Variants in RPS6KA2 observed in about 807,000 individuals in gnomAD.
RPS6KA2 encodes ribosomal protein S6 kinase alpha-2.
RPS6KA2 carries 42 observed loss-of-function variants against 91.8 expected under a neutral mutation model. The ratio of observed to expected loss-of-function variants is 0.46; its 90% CI spans 0.36 to 0.59. RPS6KA2 has a LOEUF of 0.59. Ranked by LOEUF, RPS6KA2 falls within the 20% of genes least tolerant of loss-of-function variation. RPS6KA2 has a pLI of 0.00. For missense variants in RPS6KA2, 798 were observed against 978.5 expected, an observed-to-expected ratio of 0.82 and a Z score of 2.46; for synonymous variants, 414 against 393.6, an observed-to-expected ratio of 1.05 and a Z score of -0.61.
chr6:166,855,959 C>T (rs181921272), intron 2 of RPS6KA2, among the ~76,000 whole-genome samples: 48 of 152,258 alleles, frequency 3.2e-4, no homozygotes, highest in African/African-American at 1.0e-3. Flanking sequence ...TCTGATATTC[C>T]GTTATCAAAA....
At chr6:166,631,701 G>A (rs1430986569), upstream of RPS6KA2, among the ~76,000 whole-genome samples, 2 of 152,202 alleles carry the variant, frequency 1.3e-5, no homozygotes, top group African/African-American at 4.8e-5. Context: ...CACGGCTGGA[G>A]TCATGACTCC....
intron 8 of RPS6KA2, among the ~76,000 whole-genome samples, chr6:166,492,941 A>AT (rs1781656426): frequency 6.9e-6 from 1 of 145,218 alleles, no homozygotes; most frequent in East Asian, 2.0e-4. Context: ...CATGTTGGCC[A>AT]GGCTGAACTG....
chr6:166,472,083 G>GATT (rs1167911266), intron 10 of RPS6KA2, among the ~76,000 whole-genome samples: 1 of 152,200 alleles, frequency 6.6e-6, no homozygotes, highest in Non-Finnish European at 1.5e-5. Flanking sequence ...TGGTCACGAT[G>GATT]ATTAACAGAA....
At chr6:166,749,767 G>T (rs1312900427) in intron 2 of RPS6KA2, among the ~76,000 whole-genome samples, 1 of 136,022 alleles carries the variant, frequency 7.4e-6, no homozygotes, top group Non-Finnish European at 1.6e-5. Flanking sequence ...ATCTCCTCAG[G>T]CCCCCATTTC....
intron 10 of RPS6KA2, among the ~76,000 whole-genome samples, chr6:166,483,160 G>T (rs984617210): frequency 6.6e-6 from 1 of 152,218 alleles, no homozygotes; most frequent in African/African-American, 2.4e-5. Context: ...CACCTGGGAC[G>T]TCTATGTGTG....
rs368621017 is a variant in RPS6KA2 at position 166,517,633 on chromosome 6, G to A, written c.299-7276C>T. Among the ~76,000 whole-genome samples, 82 of 151,310 alleles carry A rather than the reference G, an allele frequency of 5.4e-4. 5 individuals carry two copies. The East Asian group carries it at 0.015, about 27-fold the overall frequency. On this transcript the variant is annotated intron_variant, in intron 3 of 20. Coordinates refer to ENST00000265678, the MANE Select transcript of RPS6KA2 (RefSeq NM_021135.6). ...TGGGACTACAGGCGCCCGCCACCGC[G>A]CCCGGCTAATTTTTTGTATTTTTAG...
chr6:166,627,631 C>T (rs940449852), upstream of RPS6KA2: 3 of 152,718 alleles, frequency 2.0e-5, no homozygotes, highest in African/African-American at 7.2e-5. Flanking sequence ...GCAGCCGCCG[C>T]ATACCTAATG....
At chr6:166,652,205 A>C (rs1787875078) in intron 2 of RPS6KA2, among the ~76,000 whole-genome samples, 1 of 152,216 alleles carries the variant, frequency 6.6e-6, no homozygotes, top group Non-Finnish European at 1.5e-5. Context: ...CGCGGGTATT[A>C]TATCTTCTTC....
chr6:166,413,948 T>C lies in RPS6KA2; in HGVS notation c.1939-17A>G, dbSNP rs2235295. On this transcript the variant is annotated splice_polypyrimidine_tract_variant and intron_variant, in intron 19 of 20. Transcript: ENST00000265678. ...CACGACGTCCTGCCAGGGAAGGTCA[T>C]GAGAGTCGGGGGGATGGTTGGATCA... 1,098,830 of 1,610,306 alleles carry C rather than the reference T, an allele frequency of 0.68. 377,572 individuals carry two copies. Among genetic ancestry groups the C allele is most frequent in the South Asian group, 0.83 (75,816 of 90,976 alleles).
At chr6:166,468,247 G>A (rs541267739) in intron 11 of RPS6KA2, among the ~76,000 whole-genome samples, 1 of 152,320 alleles carries the variant, frequency 6.6e-6, no homozygotes, top group South Asian at 2.1e-4. Context: ...ACTCCAAAGG[G>A]AGGCCTTGGT....
intron 1 of RPS6KA2, among the ~76,000 whole-genome samples, chr6:166,592,140 A>G (rs150332707): frequency 2.6e-5 from 4 of 152,332 alleles, no homozygotes; most frequent in African/African-American, 9.6e-5. Flanking sequence ...TTCACCAAAT[A>G]CCAGCAGAAA....
At chr6:166,631,399 C>T (rs1432068421), upstream of RPS6KA2, among the ~76,000 whole-genome samples, 1 of 152,216 alleles carries the variant, frequency 6.6e-6, no homozygotes, top group Non-Finnish European at 1.5e-5. Context: ...TGGCTTCCTC[C>T]CTCCCCGCTG....
chr6:166,554,033 T>C lies in RPS6KA2; in HGVS notation c.100-15249A>G, dbSNP rs1471534540. Reference sequence around the variant, plus strand: ...CTACAGGCTACCCCGAGGCAGTGGCTGGAAACTGCACCAAACCCTGTGTGT... The same window carrying C: ...CTACAGGCTACCCCGAGGCAGTGGCCGGAAACTGCACCAAACCCTGTGTGT... On this transcript the variant is annotated intron_variant, in intron 1 of 20. Coordinates refer to ENST00000265678, the MANE Select transcript of RPS6KA2 (RefSeq NM_021135.6). The surrounding 1 kb of genome is among the most constrained non-coding windows in gnomAD (Gnocchi z 4.3). 1.3e-5 allele frequency among the ~76,000 whole-genome samples: 2 copies of C among 152,188 alleles called. No individual in the cohort carries two copies.
intron 2 of RPS6KA2, among the ~76,000 whole-genome samples, chr6:166,857,052 C>A (rs1374536451): frequency 6.6e-6 from 1 of 152,160 alleles, no homozygotes; most frequent in Admixed American, 6.5e-5. Context: ...CAGCTGAATG[C>A]CATTTTTCTT....
At chr6:166,755,169 T>TTC (rs1237201797) in intron 2 of RPS6KA2, among the ~76,000 whole-genome samples, 1 of 152,212 alleles carries the variant, frequency 6.6e-6, no homozygotes, top group African/African-American at 2.4e-5. Flanking sequence ...CCACGCATAC[T>TTC]TCTAGGTGGC....
chr6:166,430,719 A>C lies in RPS6KA2; in HGVS notation c.1423-108T>G, dbSNP rs1198503206. The stretch of plus-strand genomic sequence containing the variant: ...AAGTCAGAGGGGAGAGGCTGGGACC[A>C]CAGGGTCCTATGGGAGTGCAAACAA... On this transcript the variant is annotated intron_variant, in intron 15 of 20. Transcript: ENST00000265678. The C allele has an allele frequency of 3.4e-6, 4 of 1,184,562 alleles. No individual in the cohort carries two copies. In the African/African-American group the frequency reaches 6.2e-5, roughly 18 times the overall value. The allele number at this position is 1,184,562 out of a possible 1,614,324, so 73.4% of individuals were successfully genotyped here. A position where few individuals can be genotyped will look rare whatever the true frequency, so the allele number is the denominator to read the frequency against.
intron 1 of RPS6KA2, among the ~76,000 whole-genome samples, chr6:166,623,939 C>G (rs1786737974): frequency 6.6e-6 from 1 of 152,186 alleles, no homozygotes. Context: ...AGTAACCTGA[C>G]TTCTCTGTCA....
At chr6:166,534,463 G>A (rs958249957) in intron 2 of RPS6KA2, among the ~76,000 whole-genome samples, 3 of 152,108 alleles carry the variant, frequency 2.0e-5, no homozygotes, top group Non-Finnish European at 2.9e-5. Flanking sequence ...TCCTGAGTGG[G>A]TCCGTACTTT....
intron 1 of RPS6KA2, among the ~76,000 whole-genome samples, chr6:166,611,548 GT>G (rs1194267897): frequency 1.3e-5 from 2 of 152,366 alleles, no homozygotes; most frequent in Admixed American, 6.5e-5. Flanking sequence ...TAAAATATGT[GT>G]GTCACAACGC....
Sources: allele counts gnomAD v4.1 joint callset (sites outside exome capture counted in the v4.1 genomes callset), GRCh38; gene constraint gnomAD v4.1.1; non-coding constraint Gnocchi (gnomAD v3.1); transcripts MANE v1.5; gene names NCBI Gene and HGNC (gene_info 2026-07-23, HGNC 2026-07-21).